Variants in MSI2 observed in about 807,000 individuals in gnomAD.
MSI2 encodes musashi RNA binding protein 2, also known as RNA-binding protein Musashi homolog 2.
Under a neutral mutation model 45.6 loss-of-function variants are expected in MSI2, and 17 were observed. The observed-to-expected ratio is 0.37, with a 90% CI of 0.26 to 0.56. The LOEUF is 0.56. MSI2 is among the 20% of genes least tolerant of loss of function. MSI2 has a pLI of 0.77. For missense variants in MSI2, 293 were observed against 444.2 expected, an observed-to-expected ratio of 0.66 and a Z score of 3.06; for synonymous variants, 156 against 158.2, an observed-to-expected ratio of 0.99 and a Z score of 0.11.
At chr17:57,586,978 G>T (rs2088365571) in intron 7 of MSI2, among the ~76,000 whole-genome samples, 1 of 152,144 alleles carries the variant, frequency 6.6e-6, no homozygotes, top group Non-Finnish European at 1.5e-5. Context: ...GGGAAGCATA[G>T]GGCAGAGTCA....
chr17:57,697,143 GAC>G, the MSI2 span, among the ~76,000 whole-genome samples: 1 of 54,062 alleles, frequency 1.8e-5, no homozygotes. Flanking sequence ...TCGCCAGCAG[GAC>G]ACACACACAC....
intron 6 of MSI2, among the ~76,000 whole-genome samples, chr17:57,525,266 CT>C (rs780953545): frequency 1.3e-5 from 2 of 151,966 alleles, no homozygotes; most frequent in East Asian, 1.9e-4. Context: ...CTTTACTTTG[CT>C]TTTTTGGGGG....
chr17:57,391,640 A>T (rs2083792993), intron 5 of MSI2, among the ~76,000 whole-genome samples: 1 of 152,124 alleles, frequency 6.6e-6, no homozygotes, highest in South Asian at 2.1e-4. Flanking sequence ...CTGGGTGGGC[A>T]ACTCGGGCTC....
chr17:57,674,811 A>T (rs1913100673), intron 11 of MSI2, 161 bp from the exon 12 acceptor site: 1 of 1,022,904 alleles, frequency 9.8e-7, no homozygotes, highest in East Asian at 2.5e-5. Flanking sequence ...GCCTTGGTTG[A>T]GTGTTAGAAG....
intron 7 of MSI2, among the ~76,000 whole-genome samples, chr17:57,559,716 G>T (rs1027432166): frequency 1.3e-4 from 20 of 152,238 alleles, no homozygotes; most frequent in Admixed American, 1.3e-3. Context: ...CCTGCACCTG[G>T]TCCCCAGGAA....
intron 6 of MSI2, among the ~76,000 whole-genome samples, chr17:57,467,384 A>G (rs1010844587): frequency 1.3e-5 from 2 of 152,340 alleles, no homozygotes; most frequent in South Asian, 2.1e-4. Flanking sequence ...AAGAGGAAGG[A>G]CAGATGCACG....
chr17:57,320,336 C>G lies in MSI2; in HGVS notation c.312+58144C>G, dbSNP rs77848848. Among the ~76,000 whole-genome samples, 319 of 152,158 alleles carry G rather than the reference C, an allele frequency of 2.1e-3. 1 individual carries two copies. Among genetic ancestry groups the G allele is most frequent in the African/African-American group, 7.3e-3 (305 of 41,502 alleles). On this transcript the variant is annotated intron_variant, in intron 5 of 13. Coordinates refer to ENST00000284073, the MANE Select transcript of MSI2 (RefSeq NM_138962.4). Reference sequence around the variant, plus strand: ...CAGGGATGGTCTGCTTTTTGCCTCTCTTGGGGAGGGAGGAGAGTTATTTTT... The same window carrying G: ...CAGGGATGGTCTGCTTTTTGCCTCTGTTGGGGAGGGAGGAGAGTTATTTTT...
At chr17:57,404,622 C>G (rs1296033664) in intron 6 of MSI2, among the ~76,000 whole-genome samples, 2 of 152,134 alleles carry the variant, frequency 1.3e-5, no homozygotes, top group Non-Finnish European at 2.9e-5. Context: ...CTTTTTAGGT[C>G]TCCTTGCCGT....
At chr17:57,570,648 A>G (rs995511618) in intron 7 of MSI2, among the ~76,000 whole-genome samples, 2 of 152,192 alleles carry the variant, frequency 1.3e-5, no homozygotes, top group Admixed American at 1.3e-4. Context: ...TGATGAGGCC[A>G]TTATGCCTAT....
At chr17:57,486,882 T>A (rs1203558497) in intron 6 of MSI2, among the ~76,000 whole-genome samples, 3 of 152,222 alleles carry the variant, frequency 2.0e-5, no homozygotes, top group Non-Finnish European at 2.9e-5. Context: ...GCTGTCCATG[T>A]CCTTACTGGC....
At position 57,519,273 on chromosome 17, in the gene MSI2, G is replaced by A. The variant is rs1442122325; in HGVS notation, c.406-10403G>A. On this transcript the variant is annotated intron_variant, in intron 6 of 13. Coordinates refer to ENST00000284073, the MANE Select transcript of MSI2 (RefSeq NM_138962.4). ...ATGGACCATGTATGGGTGTGTGCAT[G>A]CAGGCGAGGGGATTGCCAGGATGGG... Among the ~76,000 whole-genome samples the A allele has an allele frequency of 3.3e-5, 5 of 152,202 alleles. No homozygotes were observed. In the South Asian group the frequency reaches 6.2e-4, roughly 19 times the overall value.
intron 5 of MSI2, among the ~76,000 whole-genome samples, chr17:57,290,653 G>A (rs1199639305): frequency 2.0e-5 from 3 of 152,204 alleles, no homozygotes; most frequent in African/African-American, 7.2e-5. Flanking sequence ...CCTGGCTCCT[G>A]AGGCTTTAGG....
intron 7 of MSI2, among the ~76,000 whole-genome samples, chr17:57,575,147 T>TCCCCCCCCCCCCCACCCC (rs371180511): frequency 8.4e-6 from 1 of 119,544 alleles, no homozygotes; most frequent in Non-Finnish European, 1.7e-5. Flanking sequence ...CTTTTTTAAC[T>TCCCCCCCCCCCCCACCCC]CCCTCCCCCC....
rs569031421 is a variant in MSI2, at chr17:57,369,326, A to G, written c.313-32053A>G. 2.3e-4 allele frequency among the ~76,000 whole-genome samples: 35 copies of G among 152,310 alleles called. No individual in the cohort carries two copies. In the South Asian group the frequency reaches 7.2e-3, roughly 32 times the overall value. On this transcript the variant is annotated intron_variant, in intron 5 of 13. Transcript: ENST00000284073. ...AACCTACAGTGGGGAAAGGGGCAAG[A>G]ATACAGCATAATGAGAGGGGCAGCC...
intron 5 of MSI2, among the ~76,000 whole-genome samples, chr17:57,273,699 C>T (rs1377405766): frequency 6.6e-6 from 1 of 152,176 alleles, no homozygotes; most frequent in African/African-American, 2.4e-5. Context: ...TTGCTCAAAG[C>T]CTGTGCATTC....
At chr17:57,317,886 C>T (rs569246877) in intron 5 of MSI2, among the ~76,000 whole-genome samples, 12 of 152,264 alleles carry the variant, frequency 7.9e-5, no homozygotes, top group South Asian at 4.1e-4. Flanking sequence ...CAGTGACTCA[C>T]GCCTGTAATC....
intron 5 of MSI2, among the ~76,000 whole-genome samples, chr17:57,387,631 G>A (rs1053357071): frequency 6.6e-6 from 1 of 152,190 alleles, no homozygotes; most frequent in Non-Finnish European, 1.5e-5. Flanking sequence ...ATGGGCTGGC[G>A]ATGGATTGAT....
intron 5 of MSI2, among the ~76,000 whole-genome samples, chr17:57,306,311 T>TGA (rs1011511298): frequency 6.6e-6 from 1 of 151,902 alleles, no homozygotes; most frequent in Non-Finnish European, 1.5e-5. Context: ...TTCCTACTAA[T>TGA]GAGAGAGAGA....
intron 10 of MSI2, among the ~76,000 whole-genome samples, chr17:57,639,550 G>A (rs1910092717): frequency 6.6e-6 from 1 of 152,232 alleles, no homozygotes; most frequent in Non-Finnish European, 1.5e-5. Flanking sequence ...TTATGCATAC[G>A]GCTGTGCAGC....
Sources: gnomAD v4.1 joint callset for allele counts (sites outside exome capture counted in the v4.1 genomes callset) on GRCh38, gnomAD v4.1.1 for gene constraint, MANE v1.5 for transcripts, NCBI Gene and HGNC (gene_info 2026-07-23, HGNC 2026-07-21) for gene names.